SEMA3A: variants seen among roughly 807,000 people sequenced by gnomAD.
SEMA3A encodes semaphorin 3A.
A neutral mutation model predicts 97.9 loss-of-function variants in SEMA3A; 29 were observed. The observed-to-expected ratio is 0.30, with a 90% CI of 0.22 to 0.40. The LOEUF is 0.40. Ranked by LOEUF, SEMA3A falls within the 10% of genes least tolerant of loss-of-function variation. The pLI is 1.00. For synonymous variants in SEMA3A, 321 were observed against 323.7 expected (o/e 0.99, Z 0.09); for missense variants, 763 against 951.3 (o/e 0.80, Z 2.60).
At chr7:83,972,130 G>A (rs1788945843) in intron 15 of SEMA3A, among the ~76,000 whole-genome samples, 1 of 151,858 alleles carries the variant, frequency 6.6e-6, no homozygotes, top group South Asian at 2.1e-4. Flanking sequence ...AACAGTCATA[G>A]GGCCAATATA....
intron 2 of SEMA3A, among the ~76,000 whole-genome samples, chr7:84,363,614 C>T (rs1802776311): frequency 6.6e-6 from 1 of 151,836 alleles, no homozygotes; most frequent in Non-Finnish European, 1.5e-5. Context: ...GTGGAATTGG[C>T]CTATTGTGAA....
At chr7:84,226,772 C>G (rs148558258) in intron 3 of SEMA3A, among the ~76,000 whole-genome samples, 2 of 151,976 alleles carry the variant, frequency 1.3e-5, no homozygotes, top group Non-Finnish European at 2.9e-5. Context: ...GTTCAAAAAG[C>G]AAGATAATTT....
chr7:84,424,478 T>A (rs1198773460), intron 1 of SEMA3A, among the ~76,000 whole-genome samples: 2 of 101,286 alleles, frequency 2.0e-5, no homozygotes, highest in Non-Finnish European at 3.8e-5. Context: ...ATACAATATA[T>A]AATATATTGA....
chr7:84,197,448 A>C (rs1432788206), upstream of SEMA3A, among the ~76,000 whole-genome samples: 1 of 152,216 alleles, frequency 6.6e-6, no homozygotes, highest in Non-Finnish European at 1.5e-5. Context: ...GTTAAATAAA[A>C]AATGAAAGAA....
At chr7:84,405,083 A>C (rs1473048985) in intron 1 of SEMA3A, among the ~76,000 whole-genome samples, 1 of 152,230 alleles carries the variant, frequency 6.6e-6, no homozygotes, top group East Asian at 1.9e-4. Flanking sequence ...TGCTCCAATT[A>C]AAAGGCACAT....
chr7:84,038,845 G>A (rs1792033838), intron 6 of SEMA3A, among the ~76,000 whole-genome samples: 1 of 151,896 alleles, frequency 6.6e-6, no homozygotes, highest in Non-Finnish European at 1.5e-5. Flanking sequence ...ATTTAGCCTT[G>A]GCTATTGTTT....
At position 84,207,806 on chromosome 7, in the gene SEMA3A, G is replaced by A. The variant is rs555626198; in HGVS notation, c.-82-13138C>T. 3.9e-5 allele frequency among the ~76,000 whole-genome samples: 6 copies of A among 152,142 alleles called. No individual in the cohort carries two copies. In the South Asian group the frequency reaches 8.3e-4, roughly 21 times the overall value. On this transcript the variant is annotated intron_variant, in intron 3 of 3. Transcript: ENST00000424555. ...TGGTGGGGCTGTTGCTATGGGAGGC[G>A]GGTTTCCCTGCAATTGAGCTGCAAT...
intron 13 of SEMA3A, among the ~76,000 whole-genome samples, chr7:83,982,212 G>A (rs1789443817): frequency 6.6e-6 from 1 of 152,078 alleles, no homozygotes; most frequent in Admixed American, 6.6e-5. Context: ...GTGATCTTGA[G>A]CTATTCATAT....
In SEMA3A at chr7:83,958,572, A is replaced by G. The variant is rs1446766709; in HGVS notation, c.*2799T>C. 2.6e-5 allele frequency: 4 copies of G among 152,562 alleles called. No homozygotes were observed. In the East Asian group the frequency reaches 7.7e-4, roughly 29 times the overall value. 9.5% of individuals were successfully genotyped at this position (152,562 alleles called of 1,614,324 possible). ...AACCACCTTGTCACCTGCGTGGGAA[A>G]ATCTTGCCTTTTAGGATGATGTTGA... On this transcript the variant is annotated 3_prime_UTR_variant, in exon 17 of 17. Transcript: ENST00000265362.
chr7:84,194,796 G>C (rs78303093), upstream of SEMA3A: 1,086 of 157,988 alleles, frequency 6.9e-3, no homozygotes, highest in Middle Eastern at 9.0e-3. Flanking sequence ...CCTCCAAAAA[G>C]AAAAAAAAAA....
At chr7:84,290,454 TTTATC>T (rs56864323) in intron 3 of SEMA3A, among the ~76,000 whole-genome samples, 2,667 of 151,996 alleles carry the variant, frequency 0.018, 78 homozygotes, top group African/African-American at 0.061. Context: ...TTTTTTCCTA[TTTATC>T]TTAACTGTGT....
At position 84,005,323 on chromosome 7, in the gene SEMA3A, A is replaced by AAAT. The variant is rs1296432769; in HGVS notation, c.1360+13_1360+15dup. 1 of 1,593,528 alleles carries AAAT rather than the reference A, an allele frequency of 6.3e-7. No homozygotes were observed. The highest frequency in any genetic ancestry group is 1.7e-5 in the Admixed American group (1 of 59,960). ...GTGTTCGGAAAAAAGTTTACAGCTG[A>AAAT]AATTTAAAAATTTACCTGTTCCGAT... On this transcript the variant is annotated intron_variant, in intron 11 of 16. Coordinates refer to ENST00000265362, the MANE Select transcript of SEMA3A (RefSeq NM_006080.3).
chr7:84,458,852 GTTA>G (rs1805751582), intron 1 of SEMA3A, among the ~76,000 whole-genome samples: 1 of 151,986 alleles, frequency 6.6e-6, no homozygotes, highest in Admixed American at 6.6e-5. Flanking sequence ...TATATAATGA[GTTA>G]TTGTTAACTA....
intron 6 of SEMA3A, among the ~76,000 whole-genome samples, chr7:84,031,208 G>A (rs186962448): frequency 6.6e-6 from 1 of 151,940 alleles, no homozygotes; most frequent in African/African-American, 2.4e-5. Flanking sequence ...GGCCAGGATA[G>A]TCTCGATCTC....
chr7:84,002,194 T>C (rs933646345), intron 11 of SEMA3A, 148 bp from the exon 12 acceptor site: 4 of 560,366 alleles, frequency 7.1e-6, no homozygotes, highest in Middle Eastern at 6.7e-4. Context: ...ATGAGTAAAA[T>C]ATATATTCAA....
chr7:84,472,872 C>T (rs1806188140), intron 1 of SEMA3A, among the ~76,000 whole-genome samples: 1 of 152,100 alleles, frequency 6.6e-6, no homozygotes, highest in African/African-American at 2.4e-5. Context: ...AGTATTACCT[C>T]CCAAAGTGGC....
chr7:84,064,502 A>G (rs1241618585), intron 4 of SEMA3A, among the ~76,000 whole-genome samples: 1 of 152,188 alleles, frequency 6.6e-6, no homozygotes. Flanking sequence ...AAGAGCCATC[A>G]GTGTGCTGTA....
At chr7:84,446,035 C>T (rs1805405659) in intron 1 of SEMA3A, among the ~76,000 whole-genome samples, 1 of 151,992 alleles carries the variant, frequency 6.6e-6, no homozygotes, top group Non-Finnish European at 1.5e-5. Flanking sequence ...ATTACTAATT[C>T]TATAGAAATA....
intron 3 of SEMA3A, among the ~76,000 whole-genome samples, chr7:84,265,185 A>G (rs924564576): frequency 6.6e-6 from 1 of 152,126 alleles, no homozygotes; most frequent in Non-Finnish European, 1.5e-5. Context: ...ACACGTAATC[A>G]TATTCATTTC....
Sources: gnomAD v4.1 joint callset for allele counts (sites outside exome capture counted in the v4.1 genomes callset) on GRCh38, gnomAD v4.1.1 for gene constraint, MANE v1.5 for transcripts, NCBI Gene and HGNC (gene_info 2026-07-23, HGNC 2026-07-21) for gene names.